DOK6: variants seen among roughly 807,000 people sequenced by gnomAD.
DOK6 encodes the protein downstream of tyrosine kinase 6.
A neutral mutation model predicts 44.0 loss-of-function variants in DOK6; 22 were observed. That is an observed-to-expected ratio of 0.50 (90% CI 0.36 to 0.71). The LOEUF is 0.71. Among genes scored for constraint, DOK6 ranks in the 30% least tolerant of loss-of-function variants. The pLI is 0.00. For missense variants in DOK6, 340 were observed against 416.4 expected (o/e 0.82, Z 1.60); for synonymous variants, 166 against 145.5 (o/e 1.14, Z -1.01).
chr18:69,681,636 A>G (rs1239886946), intron 4 of DOK6, among the ~76,000 whole-genome samples: 1 of 152,208 alleles, frequency 6.6e-6, no homozygotes, highest in South Asian at 2.1e-4. Context: ...TAGACATTTC[A>G]AAGTTTAAAT....
chr18:69,838,341 G>C (rs1439699661), intron 7 of DOK6, among the ~76,000 whole-genome samples: 1 of 151,762 alleles, frequency 6.6e-6, no homozygotes, highest in African/African-American at 2.4e-5. Flanking sequence ...CCCAATTACA[G>C]AAACTATGAA....
intron 1 of DOK6, among the ~76,000 whole-genome samples, chr18:69,525,592 T>C (rs1465471757): frequency 1.3e-5 from 2 of 152,058 alleles, no homozygotes; most frequent in Non-Finnish European, 2.9e-5. Context: ...TATGTACTAC[T>C]ACACTTGCCA....
chr18:69,693,919 C>T (rs904481488), intron 4 of DOK6, among the ~76,000 whole-genome samples: 2 of 151,568 alleles, frequency 1.3e-5, no homozygotes, highest in South Asian at 2.1e-4. Flanking sequence ...ATTAGCCGGG[C>T]GTGGTGGCGG....
Position 69,612,437 on chromosome 18 carries a change from G to GCGAGGGCGCATGTGTT in DOK6, c.289+12954_289+12955insTCGAGGGCGCATGTGT, listed in dbSNP as rs1984172420. ...CGCATGTGTGCGAGGGCGCATGTGT[G>GCGAGGGCGCATGTGTT]CGAGGGCGCATGTGTGCGAGCGTGC... On this transcript the variant is annotated intron_variant, in intron 3 of 7. Transcript: ENST00000382713. Among the ~76,000 whole-genome samples the GCGAGGGCGCATGTGTT allele has an allele frequency of 1.4e-5, 2 of 146,668 alleles. 1 individual carries two copies.
At position 69,528,496 on chromosome 18, in the gene DOK6, G is replaced by T. The variant is rs186166218; in HGVS notation, c.67-35991G>T. On this transcript the variant is annotated intron_variant, in intron 1 of 7. Transcript: ENST00000382713. ...AGGGAGAACTTTGATTTCTGTGTTT[G>T]GCATTTATCCAGGAGATTCCCTGAA... 2.0e-5 allele frequency among the ~76,000 whole-genome samples: 3 copies of T among 152,228 alleles called. No homozygotes were observed. The East Asian group carries it at 5.8e-4, about 29-fold the overall frequency.
chr18:69,796,117 C>A (rs898058364), intron 7 of DOK6, among the ~76,000 whole-genome samples: 1 of 152,138 alleles, frequency 6.6e-6, no homozygotes, highest in Non-Finnish European at 1.5e-5. Context: ...CTGGATTAGG[C>A]AGAGACGGAT....
At chr18:69,521,661 G>C (rs2144564927) in intron 1 of DOK6, among the ~76,000 whole-genome samples, 1 of 151,818 alleles carries the variant, frequency 6.6e-6, no homozygotes, top group South Asian at 2.1e-4. Flanking sequence ...AGAATCTATG[G>C]GTAGAATATC....
rs146158544 is a variant in DOK6 at position 69,460,584 on chromosome 18, A to C, written c.66+59274A>C. Reference sequence around the variant, plus strand: ...TATAACATCCCAAAATAGTAATTAAATATTAAGTCATGCATACCCTTCATG... The same window carrying C: ...TATAACATCCCAAAATAGTAATTAACTATTAAGTCATGCATACCCTTCATG... On this transcript the variant is annotated intron_variant, in intron 1 of 7. Coordinates refer to ENST00000382713, the MANE Select transcript of DOK6 (RefSeq NM_152721.6). Among the ~76,000 whole-genome samples the C allele has an allele frequency of 6.0e-4, 92 of 152,324 alleles. 1 individual carries two copies. The highest frequency in any genetic ancestry group is 2.1e-3 in the African/African-American group (89 of 41,570).
At chr18:69,778,781 G>A (rs1980161230) in intron 7 of DOK6, among the ~76,000 whole-genome samples, 1 of 152,144 alleles carries the variant, frequency 6.6e-6, no homozygotes, top group Admixed American at 6.6e-5. Context: ...TTAAGAATAT[G>A]AAGGTCAATA....
intron 1 of DOK6, among the ~76,000 whole-genome samples, chr18:69,533,177 T>C (rs777281337): frequency 7.5e-4 from 114 of 152,282 alleles, no homozygotes; most frequent in Non-Finnish European, 8.2e-4. Flanking sequence ...TTCTTTTCAT[T>C]GTATGGAAAC....
At chr18:69,422,339 A>T (rs1466404758) in intron 1 of DOK6, among the ~76,000 whole-genome samples, 2 of 152,224 alleles carry the variant, frequency 1.3e-5, no homozygotes. Flanking sequence ...TTTATACTTT[A>T]ATCTCACTTT....
At chr18:69,728,273 C>T (rs1243706687) in intron 5 of DOK6, among the ~76,000 whole-genome samples, 6 of 152,326 alleles carry the variant, frequency 3.9e-5, no homozygotes, top group Non-Finnish European at 5.9e-5. Context: ...CCAGAATTTT[C>T]ACTCAGCTAA....
intron 1 of DOK6, among the ~76,000 whole-genome samples, chr18:69,502,776 T>C (rs1429605969): frequency 6.6e-6 from 1 of 152,108 alleles, no homozygotes; most frequent in Non-Finnish European, 1.5e-5. Flanking sequence ...CACGCTCCTT[T>C]ATAAAGTACT....
At chr18:69,531,972 C>A (rs77194385) in intron 1 of DOK6, among the ~76,000 whole-genome samples, 4,565 of 152,070 alleles carry the variant, frequency 0.03, 84 homozygotes, top group Middle Eastern at 0.048. Context: ...GGTGGGGCCT[C>A]CATGGTAGGA....
rs1192764512 is a variant in DOK6 at position 69,420,967 on chromosome 18, C to A, written c.66+19657C>A. On this transcript the variant is annotated intron_variant, in intron 1 of 7. Coordinates refer to ENST00000382713, the MANE Select transcript of DOK6 (RefSeq NM_152721.6). ...CACAGTCCCTGATGAGTGCCTCAAC[C>A]AATCTCAAAGGTAATGTCACTAACG... is the stretch of plus-strand genomic sequence containing the variant. 2.6e-5 allele frequency among the ~76,000 whole-genome samples: 4 copies of A among 152,276 alleles called. No homozygotes were observed. The East Asian group carries it at 7.7e-4, about 29-fold the overall frequency.
At chr18:69,557,297 A>G (rs1242540085) in intron 1 of DOK6, among the ~76,000 whole-genome samples, 1 of 152,204 alleles carries the variant, frequency 6.6e-6, no homozygotes, top group African/African-American at 2.4e-5. Flanking sequence ...TCATTGGGTC[A>G]ACAGCTTGTG....
At chr18:69,777,919 C>T (rs1409266404) in intron 7 of DOK6, 1 of 151,972 alleles carries the variant, frequency 6.6e-6, no homozygotes, top group Non-Finnish European at 1.5e-5. Flanking sequence ...TCCGATTTAA[C>T]AGGAAAGAGT....
intron 2 of DOK6, among the ~76,000 whole-genome samples, chr18:69,575,026 A>C (rs577534672): frequency 6.6e-6 from 1 of 152,098 alleles, no homozygotes; most frequent in Non-Finnish European, 1.5e-5. Flanking sequence ...TACACCCTTC[A>C]GGCCATGGTG....
At chr18:69,632,865 T>G (rs1984720638) in intron 3 of DOK6, among the ~76,000 whole-genome samples, 1 of 152,206 alleles carries the variant, frequency 6.6e-6, no homozygotes, top group Non-Finnish European at 1.5e-5. Context: ...AATATTTTCT[T>G]TCTGATGGCA....
Sources: allele counts gnomAD v4.1 joint callset (sites outside exome capture counted in the v4.1 genomes callset), GRCh38; gene constraint gnomAD v4.1.1; transcripts MANE v1.5; gene names NCBI Gene and HGNC (gene_info 2026-07-23, HGNC 2026-07-21).